MARCHF11: variants seen among roughly 807,000 people sequenced by gnomAD.
The protein encoded by MARCHF11 is E3 ubiquitin-protein ligase MARCHF11.
In MARCHF11, 29 loss-of-function variants were observed where a neutral mutation model predicts 37.3. The ratio of observed to expected loss-of-function variants is 0.78; its 90% CI spans 0.58 to 1.06. The LOEUF is 1.06. Ranked by LOEUF, MARCHF11 falls within the 50% of genes least tolerant of loss-of-function variation. MARCHF11 has a pLI of 0.00. For missense variants in MARCHF11, 482 were observed against 533.4 expected (o/e 0.90, Z 0.95); for synonymous variants, 233 against 228.0 (o/e 1.02, Z -0.20).
chr5:16,071,268 A>G (rs1736432429), intron 3 of MARCHF11, among the ~76,000 whole-genome samples: 1 of 152,200 alleles, frequency 6.6e-6, no homozygotes, highest in African/African-American at 2.4e-5. Context: ...TACTCACTAC[A>G]TTATTAACAG....
At chr5:16,160,712 C>A (rs1360992058) in intron 2 of MARCHF11, among the ~76,000 whole-genome samples, 1 of 151,756 alleles carries the variant, frequency 6.6e-6, no homozygotes, top group Non-Finnish European at 1.5e-5. Context: ...AAATCAAAAT[C>A]TCATCAAATA....
intron 1 of MARCHF11, among the ~76,000 whole-genome samples, chr5:16,178,517 A>G (rs150241493): frequency 2.0e-4 from 31 of 152,362 alleles, no homozygotes; most frequent in African/African-American, 7.5e-4. Flanking sequence ...TTGTTGGCAT[A>G]ATAGCCTTTC....
At chr5:16,126,251 G>C (rs1737404739) in intron 2 of MARCHF11, among the ~76,000 whole-genome samples, 1 of 152,142 alleles carries the variant, frequency 6.6e-6, no homozygotes, top group African/African-American at 2.4e-5. Context: ...ATCTGACATA[G>C]AAAGAAAGGA....
chr5:16,105,611 G>A (rs1008120780), intron 2 of MARCHF11, among the ~76,000 whole-genome samples: 2 of 152,132 alleles, frequency 1.3e-5, no homozygotes, highest in African/African-American at 4.8e-5. Context: ...AGGAAGAGAG[G>A]AGACACTTGG....
intron 3 of MARCHF11, among the ~76,000 whole-genome samples, chr5:16,072,005 G>A (rs1736447431): frequency 6.6e-6 from 1 of 152,026 alleles, no homozygotes; most frequent in Non-Finnish European, 1.5e-5. Context: ...TGTCACCCAG[G>A]CTGGAGTGCA....
At chr5:16,166,835 C>T (rs1276573270) in intron 2 of MARCHF11, among the ~76,000 whole-genome samples, 3 of 151,932 alleles carry the variant, frequency 2.0e-5, no homozygotes, top group Non-Finnish European at 4.4e-5. Context: ...TTAGCATACT[C>T]TTTTTAATCA....
chr5:16,092,398 C>T (rs532660160), intron 2 of MARCHF11, among the ~76,000 whole-genome samples: 1 of 152,246 alleles, frequency 6.6e-6, no homozygotes, highest in South Asian at 2.1e-4. Context: ...AACCGAACAA[C>T]ACTGTTTGGT....
rs114754355 is a variant in MARCHF11, at chr5:16,177,494, G to A, written c.693+232C>T. 6.3e-3 allele frequency among the ~76,000 whole-genome samples: 964 copies of A among 152,244 alleles called. 5 individuals are homozygous for A. Among genetic ancestry groups the A allele is most frequent in the Admixed American group, 9.0e-3 (138 of 15,292 alleles). On this transcript the variant is annotated intron_variant, in intron 2 of 3. Transcript: ENST00000332432. The stretch of plus-strand genomic sequence containing the variant: ...AAGACTGGTATCATTTTATCAATAA[G>A]TAAAAAATTAATAAAGGAAACCATT...
At chr5:16,112,753 C>T (rs1270704988) in intron 2 of MARCHF11, among the ~76,000 whole-genome samples, 4 of 152,054 alleles carry the variant, frequency 2.6e-5, no homozygotes, top group African/African-American at 9.7e-5. Context: ...TGTGTCCCTA[C>T]CTAAATCTCA....
At chr5:16,132,675 A>C (rs1737537603) in intron 2 of MARCHF11, among the ~76,000 whole-genome samples, 2 of 152,208 alleles carry the variant, frequency 1.3e-5, no homozygotes, top group Non-Finnish European at 2.9e-5. Context: ...AAGAGAGCTA[A>C]TGTTTTATTA....
In MARCHF11 at chr5:16,179,472, G is replaced by T; in HGVS notation, c.104C>A (p.Pro35Gln). The T allele has an allele frequency of 8.8e-7, 1 of 1,134,016 alleles. No individual in the cohort carries two copies. The allele number at this position is 1,134,016 out of a possible 1,614,324, so 70.2% of individuals were successfully genotyped here. Residue 35 changes from proline (P) to glutamine (Q), a missense_variant, in exon 1 of 4, where the codon CCG becomes CAG. Coordinates refer to ENST00000332432, the MANE Select transcript of MARCHF11 (RefSeq NM_001102562.3). Reference sequence around the variant, plus strand: ...GGGGACCGGGGCCGGCTCTCCCGGCGGCGGCGTCGGCGGCGGCGGCGGGGG... The same window carrying T: ...GGGGACCGGGGCCGGCTCTCCCGGCTGCGGCGTCGGCGGCGGCGGCGGGGG... ...QPPPPPPPTP[P>Q]PGEPAPVPAA...
At chr5:16,085,976 A>T (rs1259075666) in intron 3 of MARCHF11, among the ~76,000 whole-genome samples, 3 of 142,774 alleles carry the variant, frequency 2.1e-5, no homozygotes, top group African/African-American at 7.9e-5. Context: ...AAAAAAAAAA[A>T]ATCTTATTAC....
At chr5:16,076,676 C>A (rs1021515376) in intron 3 of MARCHF11, among the ~76,000 whole-genome samples, 1 of 152,146 alleles carries the variant, frequency 6.6e-6, no homozygotes, top group Non-Finnish European at 1.5e-5. Flanking sequence ...ATAATTTAAT[C>A]CAACCCTCTC....
At chr5:16,096,130 A>T (rs1381026579) in intron 2 of MARCHF11, among the ~76,000 whole-genome samples, 1 of 152,142 alleles carries the variant, frequency 6.6e-6, no homozygotes, top group Admixed American at 6.5e-5. Context: ...TTCCCTACTT[A>T]AACTGACACA....
Position 16,179,239 on chromosome 5 carries a change from C to A in MARCHF11, c.337G>T (p.Ala113Ser). The change falls in exon 1 of 4, where the codon GCA becomes TCA. Residue 113 changes from alanine to serine, a missense_variant. Transcript: ENST00000332432. ...TCCCCGGGGCCGCCTTTCGCTGCTG[C>A]CGCCTCCGGGAGGCGCCTCGGACCT... ...GEGPRRLPEA[A>S]AAKGGPGESE... 1 of 1,344,380 alleles carries A rather than the reference C, an allele frequency of 7.4e-7. No homozygotes were observed. The highest frequency in any genetic ancestry group is 1.8e-5 in the South Asian group (1 of 55,830). 83.3% of individuals were successfully genotyped at this position (1,344,380 alleles called of 1,614,324 possible).
intron 2 of MARCHF11, among the ~76,000 whole-genome samples, chr5:16,094,964 A>C (rs1483412170): frequency 1.3e-5 from 2 of 152,172 alleles, no homozygotes; most frequent in Non-Finnish European, 2.9e-5. Flanking sequence ...AGGTAAGTAA[A>C]CTGAGGCAGA....
intron 3 of MARCHF11, among the ~76,000 whole-genome samples, chr5:16,074,508 A>C (rs1736484240): frequency 6.6e-6 from 1 of 152,216 alleles, no homozygotes; most frequent in Admixed American, 6.5e-5. Context: ...TAGCGAGATT[A>C]ACCAAGACAT....
At chr5:16,107,359 C>T (rs1737062196) in intron 2 of MARCHF11, among the ~76,000 whole-genome samples, 2 of 151,672 alleles carry the variant, frequency 1.3e-5, no homozygotes, top group Non-Finnish European at 1.5e-5. Flanking sequence ...ATCAGATTAC[C>T]ATATGATTGC....
intron 2 of MARCHF11, among the ~76,000 whole-genome samples, chr5:16,119,205 A>G (rs950087418): frequency 2.0e-5 from 3 of 151,980 alleles, no homozygotes; most frequent in African/African-American, 7.3e-5. Context: ...TCCACTAAAA[A>G]TACAAAAATT....
Sources: gnomAD v4.1 joint callset for allele counts (sites outside exome capture counted in the v4.1 genomes callset) on GRCh38, gnomAD v4.1.1 for gene constraint, MANE v1.5 for transcripts, NCBI Gene and HGNC (gene_info 2026-07-23, HGNC 2026-07-21) for gene names.